ACOX1: variants seen among roughly 807,000 people sequenced by gnomAD.
ACOX1 encodes the protein acyl-CoA oxidase 1.
Under a neutral mutation model 75.5 loss-of-function variants are expected in ACOX1, and 41 were observed. The observed-to-expected ratio is 0.54, with a 90% confidence interval of 0.42 to 0.70. ACOX1 has a LOEUF of 0.70. Ranked by LOEUF, ACOX1 falls within the 30% of genes least tolerant of loss-of-function variation. ACOX1 has a pLI of 0.00. For synonymous variants in ACOX1, 303 were observed against 298.8 expected, an observed-to-expected ratio of 1.01 and a Z score of -0.15; for missense variants, 630 against 837.5, an observed-to-expected ratio of 0.75 and a Z score of 3.06.
At position 75,960,599 on chromosome 17, in the gene ACOX1, G is replaced by C. The variant is rs532636496; in HGVS notation, c.270-224C>G. 6.6e-6 allele frequency among the ~76,000 whole-genome samples: 1 copy of C among 152,188 alleles called. No individual in the cohort carries two copies. Among genetic ancestry groups the C allele is most frequent in the Non-Finnish European group, 1.5e-5 (1 of 68,040 alleles). ...GCAAGGAGTACGAGGACAGGGATTGGTTACTGATTCCAAAGCCAATGCAGC... is the reference window on the plus strand; with the variant it reads ...GCAAGGAGTACGAGGACAGGGATTGCTTACTGATTCCAAAGCCAATGCAGC... On this transcript the variant is annotated intron_variant, in intron 2 of 13. Coordinates refer to ENST00000293217, the MANE Select transcript of ACOX1 (RefSeq NM_004035.7). The surrounding 1 kb of genome is among the most constrained non-coding windows in gnomAD (Gnocchi z 4.4).
In ACOX1 at chr17:75,950,991, G is replaced by C; in HGVS notation, c.1108-27C>G. On this transcript the variant is annotated intron_variant, in intron 8 of 13. Coordinates refer to ENST00000293217, the MANE Select transcript of ACOX1 (RefSeq NM_004035.7). The surrounding 1 kb of genome is among the most constrained non-coding windows in gnomAD (Gnocchi z 4.3). ...TGAGAGGACAAGCACAGATCTGTCA[G>C]GACATCTGTGGTGCTGAGAGCCCGA... 1 of 1,608,620 alleles carries C rather than the reference G, an allele frequency of 6.2e-7. No individual in the cohort carries two copies. Among genetic ancestry groups the C allele is most frequent in the Non-Finnish European group, 8.5e-7 (1 of 1,176,428 alleles).
At chr17:75,971,919 AATG>A (rs1164424684) in intron 2 of ACOX1, among the ~76,000 whole-genome samples, 1 of 152,204 alleles carries the variant, frequency 6.6e-6, no homozygotes, top group Non-Finnish European at 1.5e-5. Flanking sequence ...TAAATTCTAT[AATG>A]ATGAATACTG....
rs1463987057 is a variant in ACOX1 at position 75,978,662 on chromosome 17, C to G, written c.141G>C (p.Gln47His). The change falls in exon 2 of 14, where the codon CAG (glutamine) becomes CAC (histidine). Residue 47 changes from glutamine (Q) to histidine (H), a missense_variant. By Grantham distance (24) the Gln-to-His change is conservative (BLOSUM62 0). Transcript: ENST00000293217. This position sits in a 1 kb window ranked among gnomAD's most constrained non-coding sequence, Gnocchi z 4.2. The stretch of plus-strand genomic sequence containing the variant: ...GAGTGAGGAAGTTCAAGTCCTCATG[C>G]TGGAAGTCTGGGTCGTTCAGGATCA... ...ENMILNDPDF[Q>H]HEDLNFLTRS... 2.5e-6 allele frequency: 4 copies of G among 1,614,068 alleles called. No individual in the cohort carries two copies. Among genetic ancestry groups the G allele is most frequent in the African/African-American group, 1.3e-5 (1 of 74,936 alleles).
chr17:75,979,143 A>G lies in ACOX1; in HGVS notation c.-70T>C. ...AGTGACAATCTAAATCCGCAGCTCC[A>G]GCGCCGGCCGGACCCTAGGAGGCAG... On this transcript the variant is annotated 5_prime_UTR_variant, in exon 1 of 14. Coordinates refer to ENST00000293217, the MANE Select transcript of ACOX1 (RefSeq NM_004035.7). The G allele has an allele frequency of 6.3e-7, 1 of 1,583,012 alleles. No individual in the cohort carries two copies. Among genetic ancestry groups the G allele is most frequent in the Non-Finnish European group, 8.5e-7 (1 of 1,170,734 alleles).
Position 75,950,638 on chromosome 17 carries a change from G to A in ACOX1, c.1298+136C>T. The stretch of plus-strand genomic sequence containing the variant: ...ACCACGAAATAAAAACCGTGAGTCA[G>A]GATGGAAGGCAAAAGTATACCTTTC... On this transcript the variant is annotated intron_variant, in intron 9 of 13. Transcript: ENST00000293217. The surrounding 1 kb of genome is among the most constrained non-coding windows in gnomAD (Gnocchi z 4.3). The A allele has an allele frequency of 1.1e-6, 1 of 937,666 alleles. No individual in the cohort carries two copies. Among genetic ancestry groups the A allele is most frequent in the Admixed American group, 2.2e-5 (1 of 46,402 alleles). 58.1% of individuals were successfully genotyped at this position (937,666 alleles called of 1,614,324 possible). A position where few individuals can be genotyped will look rare whatever the true frequency, so the allele number is the denominator to read the frequency against.
Position 75,973,278 on chromosome 17 carries a change from C to G in ACOX1, c.269+5256G>C, listed in dbSNP as rs878991365. On this transcript the variant is annotated intron_variant, in intron 2 of 13. Transcript: ENST00000293217. The stretch of plus-strand genomic sequence containing the variant: ...CTGCATTAGAGCAGAGAGGCGCTTT[C>G]CAGATATTGCTGAGGCACTAACCCT... 3.4e-4 allele frequency: 116 copies of G among 337,854 alleles called. 2 individuals are homozygous for G. Among genetic ancestry groups the G allele is most frequent in the South Asian group, 2.7e-3 (100 of 37,184 alleles). 20.9% of individuals were successfully genotyped at this position (337,854 alleles called of 1,614,324 possible).
chr17:75,966,598 T>G, intron 2 of ACOX1, among the ~76,000 whole-genome samples: 1 of 152,048 alleles, frequency 6.6e-6, no homozygotes, highest in East Asian at 1.9e-4. Flanking sequence ...GGTCAGGAGT[T>G]TGAGACCAGC....
chr17:75,975,673 G>C (rs565189404), intron 2 of ACOX1, among the ~76,000 whole-genome samples: 1 of 152,346 alleles, frequency 6.6e-6, no homozygotes, highest in South Asian at 2.1e-4. Context: ...GCCAGGCGCA[G>C]TGGCTTATGC....
At position 75,960,229 on chromosome 17, in the gene ACOX1, G is replaced by A. The variant is rs777971308; in HGVS notation, c.416C>T (p.Thr139Ile). 1 of 1,614,112 alleles carries A rather than the reference G, an allele frequency of 6.2e-7. No individual in the cohort carries two copies. The highest frequency in any genetic ancestry group is 1.1e-5 in the South Asian group (1 of 91,082). ...ATACTCCATACCATGACCCATCTCT[G>A]TCTGGGCATAAGTGCCAATGATCTC... ...NLEIIGTYAQ[T>I]EMGHGTHLRG... is the part of the protein sequence containing the mutation. Residue 139 changes from threonine (T) to isoleucine (I), a missense_variant, in exon 3 of 14, where the codon ACA becomes ATA. Thr to Ile is a moderately conservative substitution (Grantham distance 89). Transcript: ENST00000293217. The surrounding 1 kb of genome is among the most constrained non-coding windows in gnomAD (Gnocchi z 4.4).
In ACOX1 at chr17:75,978,781, G is replaced by T; in HGVS notation, c.110-88C>A. The T allele has an allele frequency of 3.1e-6, 5 of 1,609,218 alleles. No individual in the cohort carries two copies. The highest frequency in any genetic ancestry group is 4.2e-6 in the Non-Finnish European group (5 of 1,179,762). On this transcript the variant is annotated intron_variant, in intron 1 of 13. Coordinates refer to ENST00000293217, the MANE Select transcript of ACOX1 (RefSeq NM_004035.7). This position sits in a 1 kb window ranked among gnomAD's most constrained non-coding sequence, Gnocchi z 4.2. ...CTGAATCACAATAGGCTTCAGAGTC[G>T]CGGACACACCTGGGGAATGGCGATA...
chr17:75,958,590 C>A (rs1219013627), intron 3 of ACOX1, among the ~76,000 whole-genome samples: 1 of 151,438 alleles, frequency 6.6e-6, no homozygotes, highest in Admixed American at 6.6e-5. Flanking sequence ...GGGCGGATCA[C>A]AAAGTCAGGA....
chr17:75,968,885 G>T (rs1057005014), intron 2 of ACOX1, among the ~76,000 whole-genome samples: 1 of 149,926 alleles, frequency 6.7e-6, no homozygotes, highest in Non-Finnish European at 1.5e-5. Context: ...TCACGCCACT[G>T]CACTCCAGCC....
At position 75,951,584 on chromosome 17, in the gene ACOX1, G is replaced by A. The variant is rs1204052304; in HGVS notation, c.945-7C>T. 2 of 1,613,862 alleles carry A rather than the reference G, an allele frequency of 1.2e-6. No homozygotes were observed. The highest frequency in any genetic ancestry group is 1.7e-6 in the Non-Finnish European group (2 of 1,179,922). On this transcript the variant is annotated splice_region_variant and splice_polypyrimidine_tract_variant and intron_variant, in intron 7 of 13. Coordinates refer to ENST00000293217, the MANE Select transcript of ACOX1 (RefSeq NM_004035.7). ...AATCTGTGGTTCTGGTTCACTACGTGACATAGAAAAAGAAAAAAAGTAGTA... is the reference window on the plus strand; with the variant it reads ...AATCTGTGGTTCTGGTTCACTACGTAACATAGAAAAAGAAAAAAAGTAGTA...
intron 3 of ACOX1, among the ~76,000 whole-genome samples, chr17:75,959,245 G>A (rs961345719): frequency 3.3e-5 from 5 of 152,184 alleles, no homozygotes; most frequent in African/African-American, 1.2e-4. Flanking sequence ...CCGAGTGGGA[G>A]TCAACAAATC....
rs1344489108 is a variant in ACOX1, at chr17:75,944,119, A to G, written c.*2629T>C. The stretch of plus-strand genomic sequence containing the variant: ...CATGGTGGCACGTGCCTGTCGTCCC[A>G]GCTACTCAGGAGACTGAGGAGGGAG... On this transcript the variant is annotated 3_prime_UTR_variant, in exon 14 of 14. Transcript: ENST00000293217. The G allele has an allele frequency of 6.6e-6, 1 of 152,180 alleles. No individual in the cohort carries two copies. The highest frequency in any genetic ancestry group is 2.4e-5 in the African/African-American group (1 of 41,444). 9.4% of individuals were successfully genotyped at this position (152,180 alleles called of 1,614,324 possible).
Position 75,941,602 on chromosome 17 carries a change from G to C in ACOX1, c.*5146C>G, listed in dbSNP as rs1243389064. 1 of 152,276 alleles carries C rather than the reference G, an allele frequency of 6.6e-6. No homozygotes were observed. The highest frequency in any genetic ancestry group is 1.5e-5 in the Non-Finnish European group (1 of 68,078). The allele number at this position is 152,276 out of a possible 1,614,324, so 9.4% of individuals were successfully genotyped here. On this transcript the variant is annotated 3_prime_UTR_variant, in exon 14 of 14. Transcript: ENST00000293217. ...GTAGTTTTGCTTACCCGCAGTGCTG[G>C]CAGGTCACAGCTGTCCAACCATGAT...
rs746506900 is a variant in ACOX1 at position 75,955,548 on chromosome 17, T to C, written c.774+18A>G. 2 of 1,606,718 alleles carry C rather than the reference T, an allele frequency of 1.2e-6. No individual in the cohort carries two copies. Among genetic ancestry groups the C allele is most frequent in the Non-Finnish European group, 1.7e-6 (2 of 1,173,246 alleles). The stretch of plus-strand genomic sequence containing the variant: ...TCCACTGTTTGATGCCTCTGCTTTA[T>C]TTTCTATCAAAACATACCTGGGCAT... On this transcript the variant is annotated intron_variant, in intron 6 of 13. Transcript: ENST00000293217.
intron 2 of ACOX1, among the ~76,000 whole-genome samples, chr17:75,968,976 C>T (rs184680187): frequency 2.0e-5 from 3 of 151,786 alleles, no homozygotes; most frequent in Admixed American, 1.3e-4. Flanking sequence ...AAAGTGACCA[C>T]GTTGATGGAG....
intron 2 of ACOX1, among the ~76,000 whole-genome samples, chr17:75,972,577 G>A (rs981832438): frequency 1.6e-4 from 24 of 151,142 alleles, no homozygotes; most frequent in African/African-American, 5.8e-4. Flanking sequence ...ACCCAGAGGC[G>A]GAGGTTGCAG....
Sources: gnomAD v4.1 joint callset for allele counts (sites outside exome capture counted in the v4.1 genomes callset) on GRCh38, gnomAD v4.1.1 for gene constraint, Gnocchi (gnomAD v3.1) non-coding constraint, MANE v1.5 for transcripts, NCBI Gene and HGNC (gene_info 2026-07-23, HGNC 2026-07-21) for gene names.